The following RNF122 variants were observed in gnomAD, a reference collection of about 807,000 sequenced individuals.
RNF122 encodes ring finger protein 122.
A neutral mutation model predicts 24.2 loss-of-function variants in RNF122; 17 were observed. The observed-to-expected ratio is 0.70, with a 90% confidence interval of 0.48 to 1.06. The LOEUF is 1.06. RNF122 is among the 50% of genes least tolerant of loss of function. The pLI is 0.00. For synonymous variants in RNF122, 65 were observed against 71.8 expected (o/e 0.91, Z 0.48); for missense variants, 168 against 198.1 (o/e 0.85, Z 0.91).
chr8:33,549,302 G>A (rs1007206593), intron 5 of RNF122, 108 bp downstream of exon 5: 6 of 852,278 alleles, frequency 7.0e-6, no homozygotes, highest in Admixed American at 1.8e-5. Context: ...AGGACCTGGG[G>A]CATCACGGAT....
intron 2 of RNF122, among the ~76,000 whole-genome samples, chr8:33,552,950 A>G (rs1268189769): frequency 6.6e-6 from 1 of 152,048 alleles, no homozygotes; most frequent in Non-Finnish European, 1.5e-5. Flanking sequence ...ATGCACCTGT[A>G]ATCCCAGCTA....
chr8:33,549,289 C>A, intron 5 of RNF122, 121 bp downstream of exon 5: 1 of 788,246 alleles, frequency 1.3e-6, no homozygotes, highest in South Asian at 1.5e-5. Context: ...TCGGTGTTCA[C>A]GTAGGACCTG....
At chr8:33,559,065 G>A (rs759442175) in intron 1 of RNF122, among the ~76,000 whole-genome samples, 12 of 152,118 alleles carry the variant, frequency 7.9e-5, no homozygotes, top group Non-Finnish European at 1.5e-4. Flanking sequence ...GTACTTTGGA[G>A]AGGCTGAGGC....
chr8:33,556,274 A>G (rs1270402376), intron 2 of RNF122, among the ~76,000 whole-genome samples: 1 of 151,190 alleles, frequency 6.6e-6, no homozygotes, highest in African/African-American at 2.4e-5. Flanking sequence ...TTCCTAGCCT[A>G]GAGTAGTTTT....
Position 33,566,819 on chromosome 8 carries a change from G to T in RNF122, c.-96C>A, listed in dbSNP as rs1167498149. On this transcript the variant is annotated 5_prime_UTR_variant, in exon 1 of 6. Transcript: ENST00000256257. Reference sequence around the variant, plus strand: ...ACTAGCGGCGTGAGGGGCCGCAGGCGGGGTCGGGGCAGCGCGCTGCAGCCG... The same window carrying T: ...ACTAGCGGCGTGAGGGGCCGCAGGCTGGGTCGGGGCAGCGCGCTGCAGCCG... 2.1e-6 allele frequency: 3 copies of T among 1,417,292 alleles called. No homozygotes were observed. Among genetic ancestry groups the T allele is most frequent in the South Asian group, 2.5e-5 (2 of 81,398 alleles). 87.8% of individuals were successfully genotyped at this position (1,417,292 alleles called of 1,614,324 possible).
At chr8:33,557,637 AAAAAG>A (rs1194912486) in intron 2 of RNF122, among the ~76,000 whole-genome samples, 2 of 151,866 alleles carry the variant, frequency 1.3e-5, no homozygotes, top group Non-Finnish European at 1.5e-5. Context: ...CAAAAAAAAA[AAAAAG>A]AAAGAAAGAA....
At chr8:33,563,082 C>T (rs544379123) in intron 1 of RNF122, among the ~76,000 whole-genome samples, 1 of 149,360 alleles carries the variant, frequency 6.7e-6, no homozygotes, top group African/African-American at 2.5e-5. Flanking sequence ...CACTGTGCCC[C>T]AGCCTGGGCG....
chr8:33,554,474 T>G (rs1413000342), intron 2 of RNF122, among the ~76,000 whole-genome samples: 1 of 152,078 alleles, frequency 6.6e-6, no homozygotes, highest in African/African-American at 2.4e-5. Context: ...CCTCCAAAAC[T>G]CAGAACAGGG....
chr8:33,551,490 G>T (rs763092593), intron 2 of RNF122, 101 bp from the exon 3 acceptor site: 165 of 1,211,906 alleles, frequency 1.4e-4, no homozygotes, highest in Non-Finnish European at 1.7e-4. Flanking sequence ...AGGGCAGGGA[G>T]GGGTGCTTGT....
chr8:33,566,188 C>G (rs1351629743), intron 1 of RNF122, among the ~76,000 whole-genome samples: 2 of 152,148 alleles, frequency 1.3e-5, no homozygotes, highest in Admixed American at 6.6e-5. Context: ...CCGCAAGCAC[C>G]CAAGCCACGC....
intron 2 of RNF122, 136 bp downstream of exon 2, chr8:33,558,479 C>T (rs1810488663): frequency 1.7e-6 from 1 of 578,652 alleles, no homozygotes. Flanking sequence ...AGGGCAGGCT[C>T]AGCCGTGTCC....
chr8:33,561,686 G>A (rs1410853203), intron 1 of RNF122, among the ~76,000 whole-genome samples: 2 of 151,982 alleles, frequency 1.3e-5, no homozygotes, highest in Non-Finnish European at 2.9e-5. Context: ...AGGACTATAG[G>A]TGTACACCAC....
At chr8:33,553,913 T>A (rs1453570328) in intron 2 of RNF122, among the ~76,000 whole-genome samples, 1 of 152,156 alleles carries the variant, frequency 6.6e-6, no homozygotes, top group Non-Finnish European at 1.5e-5. Context: ...GGGCAGCCCA[T>A]CCACCGTCCC....
intron 2 of RNF122, among the ~76,000 whole-genome samples, chr8:33,555,594 C>A (rs573598292): frequency 6.6e-6 from 1 of 152,302 alleles, no homozygotes; most frequent in Admixed American, 6.5e-5. Context: ...TCCTGACCTG[C>A]AAGGGGGTGG....
chr8:33,566,862 A>G lies in RNF122; in HGVS notation c.-139T>C. 1.1e-6 allele frequency: 1 copy of G among 924,348 alleles called. No homozygotes were observed. The highest frequency in any genetic ancestry group is 2.1e-5 in the Admixed American group (1 of 48,508). 57.3% of individuals were successfully genotyped at this position (924,348 alleles called of 1,614,324 possible). A position where few individuals can be genotyped will look rare whatever the true frequency, so the allele number is the denominator to read the frequency against. ...TGCAGCCGCCCTGCTGGAGAAGCCG[A>G]ACTCCCTCCGGAGTGGGGGGCTTTG... On this transcript the variant is annotated 5_prime_UTR_variant, in exon 1 of 6. Coordinates refer to ENST00000256257, the MANE Select transcript of RNF122 (RefSeq NM_024787.3).
intron 1 of RNF122, among the ~76,000 whole-genome samples, chr8:33,564,927 T>C (rs1810599293): frequency 6.6e-6 from 1 of 152,144 alleles, no homozygotes; most frequent in African/African-American, 2.4e-5. Context: ...TAAAATCTGA[T>C]ATGAAAGGGC....
intron 2 of RNF122, among the ~76,000 whole-genome samples, chr8:33,552,928 C>T (rs773409165): frequency 1.1e-4 from 16 of 151,958 alleles, no homozygotes; most frequent in East Asian, 1.9e-4. Flanking sequence ...ACAATTCACA[C>T]GGCATGGTGG....
intron 1 of RNF122, among the ~76,000 whole-genome samples, chr8:33,560,017 T>G (rs559445727): frequency 6.6e-6 from 1 of 152,120 alleles, no homozygotes; most frequent in South Asian, 2.1e-4. Context: ...AATTTTTGAA[T>G]TTTTAGTAGA....
intron 1 of RNF122, among the ~76,000 whole-genome samples, chr8:33,561,955 T>C (rs1810546060): frequency 6.6e-6 from 1 of 152,054 alleles, no homozygotes; most frequent in Non-Finnish European, 1.5e-5. Context: ...AGTTCTCCAA[T>C]ACTACTCCAT....
Sources: allele counts gnomAD v4.1 joint callset (sites outside exome capture counted in the v4.1 genomes callset), GRCh38; gene constraint gnomAD v4.1.1; transcripts MANE v1.5; gene names NCBI Gene and HGNC (gene_info 2026-07-23, HGNC 2026-07-21).